KYNU: variants seen among roughly 807,000 people sequenced by gnomAD.
KYNU encodes the protein kynureninase, also known as L-kynurenine hydrolase.
A neutral mutation model predicts 59.2 loss-of-function variants in KYNU; 54 were observed. That is an observed-to-expected ratio of 0.91 (90% CI 0.73 to 1.14). KYNU has a LOEUF of 1.14. Among genes scored for constraint, KYNU ranks in the 50% most tolerant of loss-of-function variants. KYNU has a pLI of 0.00. For missense variants in KYNU, 567 were observed against 554.4 expected, an observed-to-expected ratio of 1.02 and a Z score of -0.23; for synonymous variants, 177 against 192.0, an observed-to-expected ratio of 0.92 and a Z score of 0.65.
chr2:142,992,877 T>C (rs1573879574), intron 10 of KYNU, among the ~76,000 whole-genome samples: 1 of 152,082 alleles, frequency 6.6e-6, no homozygotes, highest in Admixed American at 6.6e-5. Flanking sequence ...TTTGGAGATA[T>C]ATCTTTTAAC....
At chr2:143,005,970 G>T (rs889437832) in intron 10 of KYNU, among the ~76,000 whole-genome samples, 2 of 152,160 alleles carry the variant, frequency 1.3e-5, no homozygotes, top group Non-Finnish European at 2.9e-5. Flanking sequence ...GCTGTAAGTA[G>T]AGTCTAGAAT....
Position 142,985,092 on chromosome 2 carries a change from T to C in KYNU, c.738T>C (p.Tyr246=), listed in dbSNP as rs780663493. The C allele has an allele frequency of 9.4e-6, 15 of 1,600,552 alleles. No individual in the cohort carries two copies. In the East Asian group the frequency reaches 2.0e-4, roughly 21 times the overall value. ...ATTGTGTTCTTCCCTAGGGTTGTTA[T>C]GTTGGCTTTGATCTAGCACATGCAG... ...ITKAGQAKGC[Y]VGFDLAHAVG... The change falls in exon 9 of 14, where the codon TAT becomes TAC. Residue 246 remains tyrosine (Y), a synonymous_variant. Transcript: ENST00000264170.
chr2:142,883,015 C>T (rs1202010256), intron 1 of KYNU, among the ~76,000 whole-genome samples: 4 of 152,020 alleles, frequency 2.6e-5, no homozygotes, highest in Admixed American at 6.6e-5. Context: ...TTTTAATGAT[C>T]GCCATTCTAA....
At chr2:142,928,636 G>A (rs970391232) in intron 4 of KYNU, among the ~76,000 whole-genome samples, 1 of 152,092 alleles carries the variant, frequency 6.6e-6, no homozygotes, top group African/African-American at 2.4e-5. Context: ...TTAAAATCTG[G>A]AGACTATCTT....
chr2:142,903,001 G>A (rs552975056), intron 2 of KYNU, among the ~76,000 whole-genome samples: 3 of 152,262 alleles, frequency 2.0e-5, no homozygotes, highest in Non-Finnish European at 2.9e-5. Flanking sequence ...CTGGTATTTG[G>A]GAAAGCAGAG....
intron 4 of KYNU, among the ~76,000 whole-genome samples, chr2:142,941,289 C>G (rs1190345437): frequency 3.3e-5 from 5 of 152,166 alleles, no homozygotes; most frequent in Non-Finnish European, 7.3e-5. Flanking sequence ...TTGGAATATC[C>G]AAGGGTTTTA....
intron 12 of KYNU, among the ~76,000 whole-genome samples, chr2:143,037,037 A>G (rs926627489): frequency 1.3e-5 from 2 of 152,044 alleles, no homozygotes; most frequent in African/African-American, 4.8e-5. Flanking sequence ...TAATAAATAC[A>G]TGTGTATATG....
rs188020939 is a variant in KYNU, at chr2:143,028,411, T to C, written c.903-1216T>C. Among the ~76,000 whole-genome samples, 11 of 150,534 alleles carry C rather than the reference T, an allele frequency of 7.3e-5. 1 individual carries two copies. In the East Asian group the frequency reaches 2.2e-3, roughly 30 times the overall value. The stretch of plus-strand genomic sequence containing the variant: ...GGTGTATGCCACCACGCCCGTCTAA[T>C]TTTTGTATTTTTAGTAGAGACGGTG... On this transcript the variant is annotated intron_variant, in intron 10 of 13. Coordinates refer to ENST00000264170, the MANE Select transcript of KYNU (RefSeq NM_003937.3).
intron 11 of KYNU, among the ~76,000 whole-genome samples, chr2:143,031,170 C>G (rs1482893623): frequency 4.6e-5 from 7 of 152,102 alleles, no homozygotes; most frequent in African/African-American, 7.2e-5. Context: ...TGTATTTTAC[C>G]TTGGCTGCTA....
chr2:142,960,957 G>T (rs1172889912), intron 8 of KYNU, among the ~76,000 whole-genome samples, 187 bp downstream of exon 8: 1 of 151,882 alleles, frequency 6.6e-6, no homozygotes, highest in African/African-American at 2.4e-5. Context: ...GCACTTGGGA[G>T]GCTGGAGCAG....
intron 10 of KYNU, among the ~76,000 whole-genome samples, chr2:142,988,265 C>T (rs999692501): frequency 1.3e-5 from 2 of 151,928 alleles, no homozygotes; most frequent in Non-Finnish European, 2.9e-5. Flanking sequence ...ACTTCGTTGA[C>T]TCACTGAGAA....
intron 10 of KYNU, among the ~76,000 whole-genome samples, chr2:143,004,593 C>A (rs963702400): frequency 6.6e-5 from 10 of 151,902 alleles, no homozygotes; most frequent in African/African-American, 1.9e-4. Context: ...CGCCACCACT[C>A]GGGAGGCTGA....
intron 10 of KYNU, among the ~76,000 whole-genome samples, chr2:143,027,196 T>C (rs1319442574): frequency 6.6e-6 from 1 of 152,156 alleles, no homozygotes; most frequent in Non-Finnish European, 1.5e-5. Context: ...ATCCAAATAG[T>C]GTAATCCAAT....
chr2:142,901,465 G>A (rs920246564), intron 2 of KYNU, among the ~76,000 whole-genome samples: 1 of 151,940 alleles, frequency 6.6e-6, no homozygotes, highest in Non-Finnish European at 1.5e-5. Context: ...TTTAATACCC[G>A]CTTGGCAGTT....
intron 8 of KYNU, among the ~76,000 whole-genome samples, chr2:142,968,527 A>G (rs1684617125): frequency 6.6e-6 from 1 of 152,234 alleles, no homozygotes; most frequent in Non-Finnish European, 1.5e-5. Flanking sequence ...TTAATTTTAC[A>G]AAGAAATATC....
At chr2:142,928,320 T>A (rs994242064) in intron 4 of KYNU, among the ~76,000 whole-genome samples, 3 of 152,208 alleles carry the variant, frequency 2.0e-5, no homozygotes, top group Non-Finnish European at 4.4e-5. Context: ...TTTGAAAAAA[T>A]TTATTTAATT....
chr2:143,012,169 G>A lies in KYNU; in HGVS notation c.903-17458G>A, dbSNP rs564207870. On this transcript the variant is annotated intron_variant, in intron 10 of 13. Transcript: ENST00000264170. ...ATGTTTCCTGCGACAAAGGAGAACA[G>A]AAGAAAGCAGCTATCTCAGAAGGGG... 7.2e-5 allele frequency among the ~76,000 whole-genome samples: 11 copies of A among 152,180 alleles called. 1 individual carries two copies. The South Asian group carries it at 2.3e-3, about 32-fold the overall frequency.
At chr2:142,973,775 T>A (rs192038192) in intron 8 of KYNU, among the ~76,000 whole-genome samples, 1 of 152,214 alleles carries the variant, frequency 6.6e-6, no homozygotes, top group African/African-American at 2.4e-5. Context: ...AGGCTCTGGG[T>A]TTAAAAAGAG....
In KYNU at chr2:142,937,930, A is replaced by G. The variant is rs531762449; in HGVS notation, c.373+10189A>G. On this transcript the variant is annotated intron_variant, in intron 4 of 13. Transcript: ENST00000264170. ...TTCTCAATTTTGAGAGATTGACCAA[A>G]ACTTTAGTCATTGATGTAACTATCA... 2.0e-5 allele frequency among the ~76,000 whole-genome samples: 3 copies of G among 152,372 alleles called. No individual in the cohort carries two copies. The South Asian group carries it at 6.2e-4, about 32-fold the overall frequency.
Sources: gnomAD v4.1 joint callset for allele counts (sites outside exome capture counted in the v4.1 genomes callset) on GRCh38, gnomAD v4.1.1 for gene constraint, MANE v1.5 for transcripts, NCBI Gene and HGNC (gene_info 2026-07-23, HGNC 2026-07-21) for gene names.